Variants in VIPR2 observed in about 807,000 individuals in gnomAD.
VIPR2 encodes vasoactive intestinal peptide receptor 2, also known as vasoactive intestinal polypeptide receptor 2.
Under a neutral mutation model 58.0 loss-of-function variants are expected in VIPR2, and 48 were observed. The observed-to-expected ratio is 0.83, with a 90% confidence interval of 0.66 to 1.05. VIPR2 has a LOEUF of 1.05. Among genes scored for constraint, VIPR2 ranks in the 50% least tolerant of loss-of-function variants. VIPR2 has a pLI of 0.00. For synonymous variants in VIPR2, 243 were observed against 235.2 expected, an observed-to-expected ratio of 1.03 and a Z score of -0.30; for missense variants, 534 against 558.0, an observed-to-expected ratio of 0.96 and a Z score of 0.43.
chr7:159,096,359 C>A lies in VIPR2; in HGVS notation c.357+7398G>T, dbSNP rs949973651. Among the ~76,000 whole-genome samples the A allele has an allele frequency of 6.6e-6, 1 of 152,218 alleles. No individual in the cohort carries two copies. The highest frequency in any genetic ancestry group is 6.5e-5 in the Admixed American group (1 of 15,288). ...CCTCCGGCATCGGCCAGCTCCATGC[C>A]CAGAAGCGCCTGGCGCACCGCTGTG... On this transcript the variant is annotated intron_variant, in intron 4 of 12. Coordinates refer to ENST00000262178, the MANE Select transcript of VIPR2 (RefSeq NM_003382.5). This position sits in a 1 kb window ranked among gnomAD's most constrained non-coding sequence, Gnocchi z 5.5.
intron 2 of VIPR2, 42 bp from the exon 3 acceptor site, chr7:159,109,961 G>A (rs1381879653): frequency 1.9e-6 from 3 of 1,589,010 alleles, no homozygotes; most frequent in Non-Finnish European, 2.6e-6. Flanking sequence ...CAAGGTGACA[G>A]AAGTGTCACA....
At chr7:159,066,899 A>G (rs2129494391) in intron 4 of VIPR2, among the ~76,000 whole-genome samples, 1 of 152,296 alleles carries the variant, frequency 6.6e-6, no homozygotes, top group African/African-American at 2.4e-5. Flanking sequence ...CAGTTTTAGA[A>G]GGGGGATTTT....
At chr7:159,121,824 C>T (rs1459433986) in intron 2 of VIPR2, among the ~76,000 whole-genome samples, 1 of 152,176 alleles carries the variant, frequency 6.6e-6, no homozygotes, top group Non-Finnish European at 1.5e-5. Flanking sequence ...GACTTTTATC[C>T]TGTCCTTTTA....
intron 4 of VIPR2, among the ~76,000 whole-genome samples, chr7:159,088,043 C>T (rs557510074): frequency 6.6e-6 from 1 of 152,364 alleles, no homozygotes; most frequent in African/African-American, 2.4e-5. Context: ...GGGCCCCAAT[C>T]GGTGCCCACC....
chr7:159,052,691 A>G (rs1257975941), intron 5 of VIPR2, among the ~76,000 whole-genome samples: 4 of 152,236 alleles, frequency 2.6e-5, no homozygotes, highest in African/African-American at 9.6e-5. Flanking sequence ...AACATAATAT[A>G]TCAAAACCAT....
chr7:159,063,892 G>A (rs1855910291), intron 4 of VIPR2, among the ~76,000 whole-genome samples: 1 of 135,346 alleles, frequency 7.4e-6, no homozygotes, highest in Admixed American at 7.2e-5. Flanking sequence ...TGGGGGTCCT[G>A]GGGGGATCTG....
At chr7:159,035,808 C>T in intron 8 of VIPR2, 144 bp downstream of exon 8, 2 of 1,435,526 alleles carry the variant, frequency 1.4e-6, no homozygotes, top group Non-Finnish European at 1.8e-6. Context: ...CCATGAATCG[C>T]CCAGATGCTT....
intron 4 of VIPR2, among the ~76,000 whole-genome samples, chr7:159,061,260 G>A (rs1855632799): frequency 6.6e-6 from 1 of 151,766 alleles, no homozygotes; most frequent in Non-Finnish European, 1.5e-5. Flanking sequence ...GCTGGGTGGC[G>A]GGATCAGTCA....
At position 159,028,765 on chromosome 7, in the gene VIPR2, T is replaced by C. The variant is rs1314232213; in HGVS notation, c.*1851A>G. The C allele has an allele frequency of 6.5e-6, 1 of 152,912 alleles. No homozygotes were observed. The highest frequency in any genetic ancestry group is 2.4e-5 in the African/African-American group (1 of 41,472). 9.5% of individuals were successfully genotyped at this position (152,912 alleles called of 1,614,324 possible). On this transcript the variant is annotated 3_prime_UTR_variant, in exon 13 of 13. Transcript: ENST00000262178. ...CTCCACATGCTCAGCCGTCCTTTCC[T>C]GGGCACCTGGCCTGGGCCGTTTACT...
intron 5 of VIPR2, among the ~76,000 whole-genome samples, chr7:159,049,054 C>A (rs1473742261): frequency 6.6e-6 from 1 of 152,190 alleles, no homozygotes. Flanking sequence ...CTCTGAGCGT[C>A]CCTGTTCCTC....
chr7:159,107,719 G>A (rs71547597), intron 3 of VIPR2, among the ~76,000 whole-genome samples: 3 of 151,874 alleles, frequency 2.0e-5, no homozygotes, highest in Non-Finnish European at 4.4e-5. Context: ...GTTAGGACCC[G>A]GGGAAGGAGC....
rs1016653881 is a variant in VIPR2 at position 159,142,313 on chromosome 7, C to T, written c.151+133G>A. Reference sequence around the variant, plus strand: ...GTTTTACCAGTAGTTCATTAACAAACAATGGGAAGTGGCCTTTCTTTTTCT... The same window carrying T: ...GTTTTACCAGTAGTTCATTAACAAATAATGGGAAGTGGCCTTTCTTTTTCT... On this transcript the variant is annotated intron_variant, in intron 2 of 12. Transcript: ENST00000262178. 1.8e-5 allele frequency: 12 copies of T among 653,580 alleles called. No homozygotes were observed. In the African/African-American group the frequency reaches 2.2e-4, roughly 12 times the overall value. The allele number at this position is 653,580 out of a possible 1,614,324, so 40.5% of individuals were successfully genotyped here.
chr7:159,092,492 TATTC>T (rs954621513), intron 4 of VIPR2, among the ~76,000 whole-genome samples: 2 of 152,174 alleles, frequency 1.3e-5, no homozygotes, highest in Non-Finnish European at 2.9e-5. Flanking sequence ...TATCTTCAAA[TATTC>T]ATTTCCTTTC....
At chr7:159,073,823 C>T (rs758033452) in intron 4 of VIPR2, among the ~76,000 whole-genome samples, 2 of 152,210 alleles carry the variant, frequency 1.3e-5, no homozygotes, top group Non-Finnish European at 2.9e-5. Context: ...CAGAACTCTA[C>T]ACCTCTTCTG....
At chr7:159,109,785 C>T (rs1301291779) in intron 3 of VIPR2, 27 bp downstream of exon 3, 1 of 1,604,118 alleles carries the variant, frequency 6.2e-7, no homozygotes, top group Non-Finnish European at 8.5e-7. Flanking sequence ...CCTGGAGGAG[C>T]TCAGGAACTC....
At chr7:159,107,775 GAGA>G (rs1454570009) in intron 3 of VIPR2, among the ~76,000 whole-genome samples, 2 of 152,006 alleles carry the variant, frequency 1.3e-5, no homozygotes, top group Non-Finnish European at 2.9e-5. Context: ...TTAGGACCTG[GAGA>G]AGGAGCTGCC....
At position 159,030,694 on chromosome 7, in the gene VIPR2, G is replaced by A. The variant is rs150222738; in HGVS notation, c.1239C>T (p.Asn413=). The change falls in exon 13 of 13, where the codon AAC becomes AAT. Residue 413 remains asparagine (N), a synonymous_variant. Transcript: ENST00000262178. ...GGAACTGCAGGGCGCCCTCCGAGCC[G>A]TTGCGGGAGAAGGAGGAACCGCAGA... ...YRVCGSSFSR[N]GSEGALQFHR... 9 of 1,582,834 alleles carry A rather than the reference G, an allele frequency of 5.7e-6. No individual in the cohort carries two copies. The highest frequency in any genetic ancestry group is 5.4e-5 in the Admixed American group (3 of 55,912).
At chr7:159,068,839 C>T (rs1365167698) in intron 4 of VIPR2, among the ~76,000 whole-genome samples, 1 of 152,174 alleles carries the variant, frequency 6.6e-6, no homozygotes, top group Admixed American at 6.5e-5. Context: ...TGCTCTTCAC[C>T]AATTATCTTG....
chr7:159,058,216 C>G (rs974609233), intron 5 of VIPR2, among the ~76,000 whole-genome samples: 1 of 152,176 alleles, frequency 6.6e-6, no homozygotes, highest in Non-Finnish European at 1.5e-5. Context: ...GTATTTTCCA[C>G]GCATTTGCAT....
Sources: gnomAD v4.1 joint callset for allele counts (sites outside exome capture counted in the v4.1 genomes callset) on GRCh38, gnomAD v4.1.1 for gene constraint, Gnocchi (gnomAD v3.1) non-coding constraint, MANE v1.5 for transcripts, NCBI Gene and HGNC (gene_info 2026-07-23, HGNC 2026-07-21) for gene names.